The following LRRC10B variants were observed in gnomAD, a reference collection of about 807,000 sequenced individuals.
The protein encoded by LRRC10B is leucine-rich repeat-containing protein 10B.
For synonymous variants in LRRC10B, 204 were observed against 221.5 expected (o/e 0.92, Z 0.70); for missense variants, 389 against 436.5 (o/e 0.89, Z 0.97).
chr11:61,508,970 G>T lies in LRRC10B; in HGVS notation c.-29G>T. On this transcript the variant is annotated 5_prime_UTR_variant, in exon 1 of 1. Transcript: ENST00000378075. ...CGGGGCGATGCCTGGCGGTGGCAGTGGCGGCGGCCCCGGCCGGGGCCCGTG... is the reference window on the plus strand; with the variant it reads ...CGGGGCGATGCCTGGCGGTGGCAGTTGCGGCGGCCCCGGCCGGGGCCCGTG... 1 of 1,287,124 alleles carries T rather than the reference G, an allele frequency of 7.8e-7. No homozygotes were observed. Among genetic ancestry groups the T allele is most frequent in the Non-Finnish European group, 9.8e-7 (1 of 1,019,192 alleles). The allele number at this position is 1,287,124 out of a possible 1,614,324, so 79.7% of individuals were successfully genotyped here. A position where few individuals can be genotyped will look rare whatever the true frequency, so the allele number is the denominator to read the frequency against.
In LRRC10B at chr11:61,509,871, C is replaced by T. The variant is rs1426656760; in HGVS notation, c.873C>T (p.Gly291=). Residue 291 remains glycine (G), a synonymous_variant, in exon 1 of 1, where the codon GGC becomes GGT. Transcript: ENST00000378075. ...FRALEAAPGL[G]T ...CCCTGGAAGCCGCTCCAGGACTGGG[C>T]ACCTGAGCCTATGTTCTGGCTGATG... 1 of 1,504,948 alleles carries T rather than the reference C, an allele frequency of 6.6e-7. No homozygotes were observed. 93.2% of individuals were successfully genotyped at this position (1,504,948 alleles called of 1,614,324 possible). A position where few individuals can be genotyped will look rare whatever the true frequency, so the allele number is the denominator to read the frequency against.
At position 61,508,968 on chromosome 11, in the gene LRRC10B, G is replaced by A; in HGVS notation, c.-31G>A. On this transcript the variant is annotated 5_prime_UTR_variant, in exon 1 of 1. In the 5' UTR this introduces an upstream ATG that the reference lacks. Transcript: ENST00000378075. ...GGCGGGGCGATGCCTGGCGGTGGCA[G>A]TGGCGGCGGCCCCGGCCGGGGCCCG... 1 of 1,285,818 alleles carries A rather than the reference G, an allele frequency of 7.8e-7. No individual in the cohort carries two copies. The highest frequency in any genetic ancestry group is 9.8e-7 in the Non-Finnish European group (1 of 1,018,462). The allele number at this position is 1,285,818 out of a possible 1,614,324, so 79.7% of individuals were successfully genotyped here. A position where few individuals can be genotyped will look rare whatever the true frequency, so the allele number is the denominator to read the frequency against.
In LRRC10B at chr11:61,509,072, A is replaced by T. The variant is rs1565148813; in HGVS notation, c.74A>T (p.Gln25Leu). Residue 25 changes from glutamine (Q) to leucine (L), a missense_variant, in exon 1 of 1, where the codon CAG (glutamine) becomes CTG (leucine). Physicochemically the swap from Gln to Leu is moderately radical, Grantham distance 113 (BLOSUM62 -2). Coordinates refer to ENST00000378075, the MANE Select transcript of LRRC10B (RefSeq NM_001145077.2). The part of the protein sequence containing the change: ...AEEQLRSGDQ[Q>L]LELSGRRLRR... ...GAGCAGCTGCGCAGCGGCGACCAGC[A>T]GCTGGAGCTGAGCGGGCGGCGGTTG... 6.6e-7 allele frequency: 1 copy of T among 1,507,208 alleles called. No homozygotes were observed. The highest frequency in any genetic ancestry group is 1.2e-5 in the South Asian group (1 of 81,038). The allele number at this position is 1,507,208 out of a possible 1,614,324, so 93.4% of individuals were successfully genotyped here.
In LRRC10B at chr11:61,508,866, CGCGGGGGAAGGCCGGG is replaced by C; in HGVS notation, c.-125_-110del. 3.0e-6 allele frequency: 2 copies of C among 659,038 alleles called. No individual in the cohort carries two copies. Among genetic ancestry groups the C allele is most frequent in the Non-Finnish European group, 1.9e-6 (1 of 534,400 alleles). 40.8% of individuals were successfully genotyped at this position (659,038 alleles called of 1,614,324 possible). A position where few individuals can be genotyped will look rare whatever the true frequency, so the allele number is the denominator to read the frequency against. On this transcript the variant is annotated 5_prime_UTR_variant, in exon 1 of 1. Transcript: ENST00000378075. ...CGGCCCCGCACGGCCCCCCTCCCGG[CGCGGGGGAAGGCCGGG>C]GCGGGGGGCCCGGGGGCCGGCGCGG...
In LRRC10B at chr11:61,510,050, T is replaced by TC; in HGVS notation, c.*173_*174insC. On this transcript the variant is annotated 3_prime_UTR_variant, in exon 1 of 1. Coordinates refer to ENST00000378075, the MANE Select transcript of LRRC10B (RefSeq NM_001145077.2). Reference sequence around the variant, plus strand: ...GGGCTCATCTTCAGACACTCCTAGGTAGTAAGAGGACTGACTATACCCTGG... The same window carrying TC: ...GGGCTCATCTTCAGACACTCCTAGGTCAGTAAGAGGACTGACTATACCCTGG... 1 of 611,908 alleles carries TC rather than the reference T, an allele frequency of 1.6e-6. No individual in the cohort carries two copies. The highest frequency in any genetic ancestry group is 2.7e-6 in the Non-Finnish European group (1 of 367,532). The allele number at this position is 611,908 out of a possible 1,614,324, so 37.9% of individuals were successfully genotyped here. A position where few individuals can be genotyped will look rare whatever the true frequency, so the allele number is the denominator to read the frequency against.
In LRRC10B at chr11:61,509,604, G is replaced by A. The variant is rs1179949773; in HGVS notation, c.606G>A (p.Pro202=). 5 of 1,521,954 alleles carry A rather than the reference G, an allele frequency of 3.3e-6. No homozygotes were observed. The highest frequency in any genetic ancestry group is 5.2e-5 in the East Asian group (2 of 38,288). 94.3% of individuals were successfully genotyped at this position (1,521,954 alleles called of 1,614,324 possible). Residue 202 remains proline, a synonymous_variant, in exon 1 of 1, where the codon CCG becomes CCA. Transcript: ENST00000378075. ...NRLGGFPDLH[P]LRALRVFSYD... is the part of the protein sequence containing the mutation. Reference sequence around the variant, plus strand: ...TGGGCGGCTTCCCCGACCTGCACCCGCTGCGCGCGCTGCGCGTCTTCTCCT... The same window carrying A: ...TGGGCGGCTTCCCCGACCTGCACCCACTGCGCGCGCTGCGCGTCTTCTCCT...
chr11:61,509,349 C>T lies in LRRC10B; in HGVS notation c.351C>T (p.Cys117=). 1 of 1,495,978 alleles carries T rather than the reference C, an allele frequency of 6.7e-7. No homozygotes were observed. The highest frequency in any genetic ancestry group is 1.3e-5 in the South Asian group (1 of 79,172). 92.7% of individuals were successfully genotyped at this position (1,495,978 alleles called of 1,614,324 possible). ...ADFAQLQSLR[C]LWIEGNFLRR... ...TCGCGCAGTTGCAGAGCCTGCGCTG[C>T]CTCTGGATCGAGGGCAACTTCTTGC... Residue 117 remains cysteine (C), a synonymous_variant, in exon 1 of 1, where the codon TGC becomes TGT. Transcript: ENST00000378075.
chr11:61,508,869 G>C lies in LRRC10B; in HGVS notation c.-130G>C. 1 of 689,424 alleles carries C rather than the reference G, an allele frequency of 1.5e-6. No homozygotes were observed. Among genetic ancestry groups the C allele is most frequent in the Non-Finnish European group, 1.8e-6 (1 of 561,784 alleles). 42.7% of individuals were successfully genotyped at this position (689,424 alleles called of 1,614,324 possible). On this transcript the variant is annotated 5_prime_UTR_variant, in exon 1 of 1. Coordinates refer to ENST00000378075, the MANE Select transcript of LRRC10B (RefSeq NM_001145077.2). The stretch of plus-strand genomic sequence containing the variant: ...CCCCGCACGGCCCCCCTCCCGGCGC[G>C]GGGGAAGGCCGGGGCGGGGGGCCCG...
Position 61,508,901 on chromosome 11 carries a change from G to A in LRRC10B, c.-98G>A. 9 of 931,202 alleles carry A rather than the reference G, an allele frequency of 9.7e-6. No individual in the cohort carries two copies. Among genetic ancestry groups the A allele is most frequent in the Non-Finnish European group, 1.2e-5 (9 of 777,890 alleles). The allele number at this position is 931,202 out of a possible 1,614,324, so 57.7% of individuals were successfully genotyped here. ...GGCCGGGGCGGGGGGCCCGGGGGCC[G>A]GCGCGGCTCCGGCACCGTCGGGGCG... On this transcript the variant is annotated 5_prime_UTR_variant, in exon 1 of 1. Transcript: ENST00000378075.
Position 61,509,451 on chromosome 11 carries a change from G to A in LRRC10B, c.453G>A (p.Leu151=). ...LQMGDNRLRA[L]PAELPRMTGL... is the part of the protein sequence containing the mutation. ...TGGGCGACAACCGGCTGCGCGCGCT[G>A]CCGGCCGAGCTGCCGCGCATGACGG... The change falls in exon 1 of 1, where the codon CTG becomes CTA. Residue 151 remains leucine, a synonymous_variant. Coordinates refer to ENST00000378075, the MANE Select transcript of LRRC10B (RefSeq NM_001145077.2). 1.3e-6 allele frequency: 2 copies of A among 1,483,360 alleles called. No individual in the cohort carries two copies. The highest frequency in any genetic ancestry group is 2.7e-5 in the East Asian group (1 of 36,794). 91.9% of individuals were successfully genotyped at this position (1,483,360 alleles called of 1,614,324 possible).
In LRRC10B at chr11:61,509,081, T is replaced by G. The variant is rs1316099758; in HGVS notation, c.83T>G (p.Leu28Arg). ...CGCAGCGGCGACCAGCAGCTGGAGC[T>G]GAGCGGGCGGCGGTTGCGGCGGCTG... The part of the protein sequence containing the change: ...QLRSGDQQLE[L>R]SGRRLRRLPS... The change falls in exon 1 of 1, where the codon CTG (leucine) becomes CGG (arginine). Residue 28 changes from leucine to arginine, a missense_variant. Physicochemically the swap from Leu to Arg is moderately radical, Grantham distance 102. Coordinates refer to ENST00000378075, the MANE Select transcript of LRRC10B (RefSeq NM_001145077.2). 1 of 1,512,078 alleles carries G rather than the reference T, an allele frequency of 6.6e-7. No individual in the cohort carries two copies. Among genetic ancestry groups the G allele is most frequent in the Non-Finnish European group, 8.8e-7 (1 of 1,138,802 alleles). 93.7% of individuals were successfully genotyped at this position (1,512,078 alleles called of 1,614,324 possible).
chr11:61,509,975 G>A lies in LRRC10B; in HGVS notation c.*98G>A. ...TGCGGGACTGGTGGGTCCCTACTTA[G>A]GTCAATGGAACGGCTACTTTTGGCG... On this transcript the variant is annotated 3_prime_UTR_variant, in exon 1 of 1. Transcript: ENST00000378075. The A allele has an allele frequency of 7.8e-7, 1 of 1,281,954 alleles. No homozygotes were observed. The highest frequency in any genetic ancestry group is 2.9e-5 in the East Asian group (1 of 33,944). 79.4% of individuals were successfully genotyped at this position (1,281,954 alleles called of 1,614,324 possible).
Position 61,509,513 on chromosome 11 carries a change from A to T in LRRC10B, c.515A>T (p.Glu172Val), listed in dbSNP as rs1156365927. The T allele has an allele frequency of 1.3e-6, 2 of 1,511,360 alleles. No individual in the cohort carries two copies. Among genetic ancestry groups the T allele is most frequent in the Non-Finnish European group, 8.8e-7 (1 of 1,138,090 alleles). 93.6% of individuals were successfully genotyped at this position (1,511,360 alleles called of 1,614,324 possible). Residue 172 changes from glutamate (E) to valine (V), a missense_variant, in exon 1 of 1, where the codon GAG becomes GTG. Physicochemically the swap from Glu to Val is moderately radical, Grantham distance 121. Coordinates refer to ENST00000378075, the MANE Select transcript of LRRC10B (RefSeq NM_001145077.2). ...RGLWLYGNRF[E>V]EFPPALLRMG... Reference sequence around the variant, plus strand: ...CTCTGGCTCTACGGCAACCGCTTCGAGGAGTTCCCGCCCGCGCTGCTGCGC... The same window carrying T: ...CTCTGGCTCTACGGCAACCGCTTCGTGGAGTTCCCGCCCGCGCTGCTGCGC...
In LRRC10B at chr11:61,509,756, C is replaced by A. The variant is rs943005973; in HGVS notation, c.758C>A (p.Ala253Glu). 13 of 1,524,942 alleles carry A rather than the reference C, an allele frequency of 8.5e-6. No individual in the cohort carries two copies. Among genetic ancestry groups the A allele is most frequent in the Admixed American group, 8.2e-5 (4 of 48,728 alleles). 94.5% of individuals were successfully genotyped at this position (1,524,942 alleles called of 1,614,324 possible). ...CCCCGGCCTCCGCCCCGGCGCCCAG[C>A]GCGGGCCTTTGAGGATGAGGAGGAG... ...PTPRPPPRRP[A>E]RAFEDEEEED... The change falls in exon 1 of 1, where the codon GCG becomes GAG. Residue 253 changes from alanine (A) to glutamate (E), a missense_variant. Transcript: ENST00000378075.
Position 61,509,958 on chromosome 11 carries a change from T to TCCCGCA in LRRC10B, c.*81_*82insCCCGCA. On this transcript the variant is annotated 3_prime_UTR_variant, in exon 1 of 1. Transcript: ENST00000378075. ...CTTTGGCTGGTTAGGCCTGCGGGAC[T>TCCCGCA]GGTGGGTCCCTACTTAGGTCAATGG... 1 of 1,366,300 alleles carries TCCCGCA rather than the reference T, an allele frequency of 7.3e-7. No individual in the cohort carries two copies. The highest frequency in any genetic ancestry group is 9.6e-7 in the Non-Finnish European group (1 of 1,041,396). 84.6% of individuals were successfully genotyped at this position (1,366,300 alleles called of 1,614,324 possible). A position where few individuals can be genotyped will look rare whatever the true frequency, so the allele number is the denominator to read the frequency against.
In LRRC10B at chr11:61,509,159, C is replaced by A; in HGVS notation, c.161C>A (p.Thr54Lys). ...SRLQKLYVSG[T>K]GLRELPEEIE... is the part of the protein sequence containing the mutation. ...CTGCAGAAGCTGTATGTGAGCGGCACGGGGCTGCGCGAGCTGCCGGAGGAG... is the reference window on the plus strand; with the variant it reads ...CTGCAGAAGCTGTATGTGAGCGGCAAGGGGCTGCGCGAGCTGCCGGAGGAG... Residue 54 changes from threonine (T) to lysine (K), a missense_variant, in exon 1 of 1, where the codon ACG (threonine) becomes AAG (lysine). Physicochemically the swap from Thr to Lys is moderately conservative, Grantham distance 78. Coordinates refer to ENST00000378075, the MANE Select transcript of LRRC10B (RefSeq NM_001145077.2). The A allele has an allele frequency of 6.5e-7, 1 of 1,529,768 alleles. No homozygotes were observed. Among genetic ancestry groups the A allele is most frequent in the Non-Finnish European group, 8.7e-7 (1 of 1,144,338 alleles). The allele number at this position is 1,529,768 out of a possible 1,614,324, so 94.8% of individuals were successfully genotyped here.
Position 61,509,262 on chromosome 11 carries a change from C to A in LRRC10B, c.264C>A (p.Arg88=). Residue 88 remains arginine (R), a synonymous_variant, in exon 1 of 1, where the codon CGC becomes CGA. Transcript: ENST00000378075. ...KLERLPDGLC[R]LPRLTRLYLG... The stretch of plus-strand genomic sequence containing the variant: ...AGCGACTGCCTGACGGCCTGTGCCG[C>A]CTGCCGCGCCTCACGCGCCTCTATC... 6.6e-7 allele frequency: 1 copy of A among 1,520,596 alleles called. No individual in the cohort carries two copies. The highest frequency in any genetic ancestry group is 2.5e-5 in the East Asian group (1 of 39,242). The allele number at this position is 1,520,596 out of a possible 1,614,324, so 94.2% of individuals were successfully genotyped here. A position where few individuals can be genotyped will look rare whatever the true frequency, so the allele number is the denominator to read the frequency against.
rs1246435615 is a variant in LRRC10B, at chr11:61,509,370, C to A, written c.372C>A (p.Phe124Leu). The change falls in exon 1 of 1, where the codon TTC becomes TTA. Residue 124 changes from phenylalanine to leucine, a missense_variant. By Grantham distance (22) the Phe-to-Leu change is conservative (BLOSUM62 0). Transcript: ENST00000378075. ...GCTGCCTCTGGATCGAGGGCAACTT[C>A]TTGCGGCGCTTCCCGCGGCCGCTGC... is the stretch of plus-strand genomic sequence containing the variant. The part of the protein sequence containing the change: ...SLRCLWIEGN[F>L]LRRFPRPLLR... 4 of 1,494,644 alleles carry A rather than the reference C, an allele frequency of 2.7e-6. No homozygotes were observed. In the South Asian group the frequency reaches 3.8e-5, roughly 14 times the overall value. The allele number at this position is 1,494,644 out of a possible 1,614,324, so 92.6% of individuals were successfully genotyped here. A position where few individuals can be genotyped will look rare whatever the true frequency, so the allele number is the denominator to read the frequency against.
Position 61,508,893 on chromosome 11 carries a change from C to A in LRRC10B, c.-106C>A. On this transcript the variant is annotated 5_prime_UTR_variant, in exon 1 of 1. Transcript: ENST00000378075. ...CGGGGGAAGGCCGGGGCGGGGGGCC[C>A]GGGGGCCGGCGCGGCTCCGGCACCG... 1.1e-6 allele frequency: 1 copy of A among 870,606 alleles called. No individual in the cohort carries two copies. 53.9% of individuals were successfully genotyped at this position (870,606 alleles called of 1,614,324 possible). A position where few individuals can be genotyped will look rare whatever the true frequency, so the allele number is the denominator to read the frequency against.
Sources: gnomAD v4.1 joint callset for allele counts on GRCh38, gnomAD v4.1.1 for gene constraint, MANE v1.5 for transcripts, NCBI Gene and HGNC (gene_info 2026-07-23, HGNC 2026-07-21) for gene names.